Variants in IKZF2 observed in about 807,000 individuals in gnomAD.
The protein encoded by IKZF2 is zinc finger protein Helios.
IKZF2 carries 15 observed loss-of-function variants against 49.2 expected under a neutral mutation model. The observed-to-expected ratio is 0.30, with a 90% CI of 0.20 to 0.47. IKZF2 has a LOEUF of 0.47. Ranked by LOEUF, IKZF2 falls within the 20% of genes least tolerant of loss-of-function variation. The pLI, the probability that IKZF2 is intolerant of heterozygous loss-of-function variation, is 1.00. For synonymous variants in IKZF2, 227 were observed against 221.4 expected, an observed-to-expected ratio of 1.03 and a Z score of -0.23; for missense variants, 567 against 664.6, an observed-to-expected ratio of 0.85 and a Z score of 1.61.
chr2:213,026,642 T>C (rs1430409244), intron 6 of IKZF2, among the ~76,000 whole-genome samples: 2 of 152,102 alleles, frequency 1.3e-5, no homozygotes, highest in African/African-American at 2.4e-5. Context: ...ACCAGTAAAA[T>C]CCATAATTAT....
intron 4 of IKZF2, among the ~76,000 whole-genome samples, chr2:213,143,701 T>C (rs1233409201): frequency 6.6e-6 from 1 of 151,848 alleles, no homozygotes; most frequent in East Asian, 1.9e-4. Flanking sequence ...CAAGCAAGGG[T>C]GACTGCCAAA....
intron 8 of IKZF2, among the ~76,000 whole-genome samples, chr2:213,009,955 A>G (rs1334265458): frequency 1.3e-5 from 2 of 152,112 alleles, no homozygotes; most frequent in Non-Finnish European, 2.9e-5. Flanking sequence ...ACAAGTGCGA[A>G]AGACAAGTTA....
At chr2:213,063,597 T>G (rs1701901533) in intron 4 of IKZF2, among the ~76,000 whole-genome samples, 2 of 152,018 alleles carry the variant, frequency 1.3e-5, no homozygotes, top group South Asian at 4.1e-4. Context: ...TAAAACAGTT[T>G]TTATGATTTA....
At chr2:213,033,574 T>G (rs1237200345) in intron 6 of IKZF2, among the ~76,000 whole-genome samples, 2 of 152,224 alleles carry the variant, frequency 1.3e-5, no homozygotes, top group Non-Finnish European at 2.9e-5. Flanking sequence ...CTTGTACATC[T>G]CCATCAGAAG....
At chr2:213,091,884 C>CTGTG (rs140812184) in intron 4 of IKZF2, among the ~76,000 whole-genome samples, 1 of 149,734 alleles carries the variant, frequency 6.7e-6, no homozygotes, top group Non-Finnish European at 1.5e-5. Context: ...AGAGTATAAG[C>CTGTG]TGTGTGTGTG....
At chr2:213,084,641 TTAAG>T (rs1051164748) in intron 4 of IKZF2, among the ~76,000 whole-genome samples, 1 of 152,074 alleles carries the variant, frequency 6.6e-6, no homozygotes, top group African/African-American at 2.4e-5. Flanking sequence ...TCTCCCTTTC[TTAAG>T]TATTTTCTGT....
intron 4 of IKZF2, among the ~76,000 whole-genome samples, chr2:213,073,734 G>A (rs1052149661): frequency 3.9e-5 from 6 of 152,180 alleles, no homozygotes; most frequent in African/African-American, 1.4e-4. Flanking sequence ...CTTTGAGATG[G>A]AGTCTTGCTC....
At chr2:213,069,050 CTT>C (rs985149368) in intron 4 of IKZF2, among the ~76,000 whole-genome samples, 1 of 152,112 alleles carries the variant, frequency 6.6e-6, no homozygotes, top group African/African-American at 2.4e-5. Flanking sequence ...CTGAATTTCT[CTT>C]TTTCTCTACT....
At chr2:213,117,570 G>A (rs1195474288) in intron 4 of IKZF2, among the ~76,000 whole-genome samples, 1 of 152,174 alleles carries the variant, frequency 6.6e-6, no homozygotes, top group Non-Finnish European at 1.5e-5. Context: ...TCTGCTAAGG[G>A]CAGGGGCTCT....
At chr2:213,051,403 C>G (rs1438762718) in intron 5 of IKZF2, among the ~76,000 whole-genome samples, 3 of 151,656 alleles carry the variant, frequency 2.0e-5, no homozygotes, top group Non-Finnish European at 4.4e-5. Flanking sequence ...ATCTGGAGCT[C>G]TTATGAGCTA....
intron 7 of IKZF2, 48 bp from the exon 8 acceptor site, chr2:213,013,982 T>C: frequency 1.3e-6 from 2 of 1,580,886 alleles, no homozygotes; most frequent in African/African-American, 1.3e-5. Context: ...CTTCAACATT[T>C]TGGATGATAC....
chr2:213,057,725 T>C (rs770706742), intron 4 of IKZF2, among the ~76,000 whole-genome samples: 12 of 152,194 alleles, frequency 7.9e-5, no homozygotes, highest in Non-Finnish European at 1.6e-4. Context: ...GCTCTTAAGT[T>C]ACTCTGCCTA....
chr2:213,134,925 C>A (rs1193857519), intron 4 of IKZF2, among the ~76,000 whole-genome samples: 4 of 152,190 alleles, frequency 2.6e-5, no homozygotes, highest in Non-Finnish European at 5.9e-5. Flanking sequence ...TCCTCCACTT[C>A]TGAATCTGTT....
chr2:213,103,216 T>C (rs1313481814), intron 4 of IKZF2, among the ~76,000 whole-genome samples: 1 of 152,124 alleles, frequency 6.6e-6, no homozygotes, highest in African/African-American at 2.4e-5. Flanking sequence ...GTTATTCCTT[T>C]GGGTAAACAA....
At chr2:213,076,215 T>C (rs575269934) in intron 4 of IKZF2, among the ~76,000 whole-genome samples, 1 of 152,260 alleles carries the variant, frequency 6.6e-6, no homozygotes, top group African/African-American at 2.4e-5. Flanking sequence ...TAAAGTCATA[T>C]GCACCATCAC....
intron 4 of IKZF2, among the ~76,000 whole-genome samples, chr2:213,067,625 T>TCCTG (rs1702283373): frequency 6.6e-6 from 1 of 152,128 alleles, no homozygotes; most frequent in Non-Finnish European, 1.5e-5. Flanking sequence ...GACAACCAAG[T>TCCTG]ATGAAGAACT....
intron 6 of IKZF2, among the ~76,000 whole-genome samples, chr2:213,040,243 GTTT>G (rs34629514): frequency 4.4e-4 from 62 of 141,558 alleles, no homozygotes; most frequent in South Asian, 2.0e-3. Context: ...TGTGTCATGG[GTTT>G]TTTTTTTTTT....
intron 4 of IKZF2, among the ~76,000 whole-genome samples, chr2:213,146,496 C>T (rs1239298078): frequency 6.6e-6 from 1 of 151,850 alleles, no homozygotes; most frequent in Non-Finnish European, 1.5e-5. Flanking sequence ...AAAGCAAATT[C>T]AAACTCAATC....
chr2:213,046,951 T>C (rs955742165), intron 6 of IKZF2, among the ~76,000 whole-genome samples: 1 of 152,062 alleles, frequency 6.6e-6, no homozygotes, highest in Admixed American at 6.6e-5. Context: ...CTATGACTGA[T>C]TTAACTACCA....
Sources: gnomAD v4.1 joint callset for allele counts (sites outside exome capture counted in the v4.1 genomes callset) on GRCh38, gnomAD v4.1.1 for gene constraint, MANE v1.5 for transcripts, NCBI Gene and HGNC (gene_info 2026-07-23, HGNC 2026-07-21) for gene names.